Variants in GALR1 observed in about 807,000 individuals in gnomAD.
GALR1 encodes the protein galanin receptor type 1.
Under a neutral mutation model 17.9 loss-of-function variants are expected in GALR1, and 11 were observed. The ratio of observed to expected loss-of-function variants is 0.62; its 90% CI spans 0.39 to 1.02. GALR1 has a LOEUF of 1.02. GALR1 is among the 50% of genes least tolerant of loss of function. The probability of loss-of-function intolerance (pLI) is 0.01; values close to 1 mark genes in which losing one functional copy is unlikely to be tolerated. For synonymous variants in GALR1, 206 were observed against 205.7 expected (o/e 1.00, Z -0.01); for missense variants, 441 against 456.9 (o/e 0.97, Z 0.32).
chr18:77,268,575 T>A lies in GALR1; in HGVS notation c.733-10T>A. ...CTCCTCCTCCTCCTCCTCCTCTTCTTCTTTTCTAGACTGCACAGACAGTTC... is the reference window on the plus strand; with the variant it reads ...CTCCTCCTCCTCCTCCTCCTCTTCTACTTTTCTAGACTGCACAGACAGTTC... On this transcript the variant is annotated splice_polypyrimidine_tract_variant and intron_variant, in intron 2 of 2. Transcript: ENST00000299727. 6.3e-7 allele frequency: 1 copy of A among 1,597,862 alleles called. No homozygotes were observed. The highest frequency in any genetic ancestry group is 8.6e-7 in the Non-Finnish European group (1 of 1,168,708).
Position 77,250,968 on chromosome 18 carries a change from G to A in GALR1, c.420G>A (p.Ser140=), listed in dbSNP as rs1912394140. The stretch of plus-strand genomic sequence containing the variant: ...ACCGCTACGTGGCCATCGTGCACTC[G>A]CGGCGCTCCTCCTCCCTCAGGGTGT... The part of the protein sequence containing the change: ...SVDRYVAIVH[S]RRSSSLRVSR... The change falls in exon 1 of 3, where the codon TCG becomes TCA. Residue 140 remains serine, a synonymous_variant. Transcript: ENST00000299727. The A allele has an allele frequency of 6.2e-7, 1 of 1,603,948 alleles. No individual in the cohort carries two copies. The highest frequency in any genetic ancestry group is 1.3e-5 in the African/African-American group (1 of 74,928).
chr18:77,259,734 T>C (rs1473298118), intron 2 of GALR1, among the ~76,000 whole-genome samples: 1 of 151,584 alleles, frequency 6.6e-6, no homozygotes, highest in Non-Finnish European at 1.5e-5. Flanking sequence ...GTGGTATGTG[T>C]GTGTCTAAGA....
At chr18:77,256,776 G>A (rs78437222) in intron 2 of GALR1, among the ~76,000 whole-genome samples, 60 of 152,226 alleles carry the variant, frequency 3.9e-4, no homozygotes, top group African/African-American at 1.3e-3. Flanking sequence ...GATTCCTCCC[G>A]TTGCTAACTG....
chr18:77,263,866 G>A (rs1482221485), intron 2 of GALR1, among the ~76,000 whole-genome samples: 6 of 152,204 alleles, frequency 3.9e-5, no homozygotes, highest in Admixed American at 3.3e-4. Context: ...GCCAGGCACA[G>A]TGGCTCATGC....
At chr18:77,253,593 G>C (rs957834833) in intron 1 of GALR1, 1 of 152,192 alleles carries the variant, frequency 6.6e-6, no homozygotes, top group Non-Finnish European at 1.5e-5. Flanking sequence ...TTTCAGGGCT[G>C]TCATGGATAG....
chr18:77,258,896 ATGGTGGTGGGCGGTAGTGGTGG>A (rs1912708533), intron 2 of GALR1, among the ~76,000 whole-genome samples: 1 of 109,460 alleles, frequency 9.1e-6, no homozygotes, highest in African/African-American at 3.6e-5. Flanking sequence ...CATAGTGGTG[ATGGTGGTGGGCGGTAGTGGTGG>A]TGATGATGGT....
intron 1 of GALR1, among the ~76,000 whole-genome samples, chr18:77,253,105 T>G (rs1267382129): frequency 2.0e-5 from 3 of 149,172 alleles, no homozygotes; most frequent in African/African-American, 7.4e-5. Flanking sequence ...GCTTAGCTAT[T>G]TGGAAAATGG....
At position 77,256,624 on chromosome 18, in the gene GALR1, G is replaced by T. The variant is rs529038478; in HGVS notation, c.732+401G>T. On this transcript the variant is annotated intron_variant, in intron 2 of 2. Transcript: ENST00000299727. ...CTCTGATGTGATTCCGAAAAGCCCTGGTTTGGTTCTTGTTTAAGACAACAT... is the reference window on the plus strand; with the variant it reads ...CTCTGATGTGATTCCGAAAAGCCCTTGTTTGGTTCTTGTTTAAGACAACAT... 2.0e-5 allele frequency among the ~76,000 whole-genome samples: 3 copies of T among 152,246 alleles called. No homozygotes were observed. In the South Asian group the frequency reaches 6.2e-4, roughly 32 times the overall value.
At chr18:77,252,896 T>TCACCACCACCAC (rs1252635221) in intron 1 of GALR1, among the ~76,000 whole-genome samples, 4 of 78,214 alleles carry the variant, frequency 5.1e-5, no homozygotes, top group Non-Finnish European at 7.5e-5. Context: ...ACCACCACCA[T>TCACCACCACCAC]CACCACCACC....
Position 77,268,943 on chromosome 18 carries a change from T to C in GALR1, c.*41T>C, listed in dbSNP as rs5378. ...CCTTATGGTTGAGTTTCCATATAAG[T>C]GGACCAGACACAGAAACAAACAGAA... On this transcript the variant is annotated 3_prime_UTR_variant, in exon 3 of 3. Coordinates refer to ENST00000299727, the MANE Select transcript of GALR1 (RefSeq NM_001480.4). 6.5e-5 allele frequency: 93 copies of C among 1,430,184 alleles called. No individual in the cohort carries two copies. The African/African-American group carries it at 1.2e-3, about 19-fold the overall frequency. The allele number at this position is 1,430,184 out of a possible 1,614,324, so 88.6% of individuals were successfully genotyped here. A position where few individuals can be genotyped will look rare whatever the true frequency, so the allele number is the denominator to read the frequency against.
In GALR1 at chr18:77,268,877, C is replaced by T. The variant is rs5377; in HGVS notation, c.1025C>T (p.Pro342Leu). ...KESKSRIDTP[P>L]STNCTHV ...AGTAAAAGTCGAATAGACACCCCACCATCAACCAATTGTACTCATGTGTGA... is the reference window on the plus strand; with the variant it reads ...AGTAAAAGTCGAATAGACACCCCACTATCAACCAATTGTACTCATGTGTGA... Residue 342 changes from proline (P) to leucine (L), a missense_variant, in exon 3 of 3, where the codon CCA (proline) becomes CTA (leucine). By Grantham distance (98) the Pro-to-Leu change is moderately conservative. Coordinates refer to ENST00000299727, the MANE Select transcript of GALR1 (RefSeq NM_001480.4). The T allele has an allele frequency of 8.6e-4, 1,384 of 1,612,558 alleles. 13 individuals carry two copies. In the African/African-American group the frequency reaches 0.016, roughly 18 times the overall value.
rs1480818856 is a variant in GALR1, at chr18:77,275,582, T to C, written c.*6680T>C. ...GGTCACTGGTTATACAAAGTCTCTGTTTAGAAATAGCAAAGATCCAAGAAA... is the reference window on the plus strand; with the variant it reads ...GGTCACTGGTTATACAAAGTCTCTGCTTAGAAATAGCAAAGATCCAAGAAA... On this transcript the variant is annotated 3_prime_UTR_variant, in exon 3 of 3. Transcript: ENST00000299727. The C allele has an allele frequency of 5.3e-5, 8 of 152,120 alleles. No homozygotes were observed. The East Asian group carries it at 1.5e-3, about 29-fold the overall frequency. The allele number at this position is 152,120 out of a possible 1,614,324, so 9.4% of individuals were successfully genotyped here.
intron 2 of GALR1, among the ~76,000 whole-genome samples, chr18:77,258,651 ATAGTGGTGGTGGTGG>A (rs1912669807): frequency 9.1e-6 from 1 of 110,080 alleles, no homozygotes; most frequent in African/African-American, 3.4e-5. Context: ...GGTGGTGGTC[ATAGTGGTGGTGGTGG>A]TGGTCATGGT....
chr18:77,275,364 G>A lies in GALR1; in HGVS notation c.*6462G>A, dbSNP rs751252165. The stretch of plus-strand genomic sequence containing the variant: ...GAGTTGTGATGGGTGTGCCTCCCTC[G>A]GACTTACTCTGGCCAGGAACTGCAT... On this transcript the variant is annotated 3_prime_UTR_variant, in exon 3 of 3. Transcript: ENST00000299727. 2.0e-5 allele frequency: 3 copies of A among 152,312 alleles called. No individual in the cohort carries two copies. The highest frequency in any genetic ancestry group is 6.5e-5 in the Admixed American group (1 of 15,286). The allele number at this position is 152,312 out of a possible 1,614,324, so 9.4% of individuals were successfully genotyped here.
At chr18:77,256,977 A>G (rs1266139775) in intron 2 of GALR1, among the ~76,000 whole-genome samples, 3 of 152,250 alleles carry the variant, frequency 2.0e-5, no homozygotes, top group Admixed American at 1.3e-4. Context: ...ATTATTAGGC[A>G]ATATGACTAA....
chr18:77,260,295 G>A (rs757122513), intron 2 of GALR1, among the ~76,000 whole-genome samples: 10 of 152,240 alleles, frequency 6.6e-5, no homozygotes, highest in South Asian at 2.1e-4. Flanking sequence ...AGCTCTCTGC[G>A]CCCTCTTTCA....
rs148499755 is a variant in GALR1 at position 77,266,446 on chromosome 18, C to T, written c.733-2139C>T. 2.5e-3 allele frequency among the ~76,000 whole-genome samples: 382 copies of T among 152,350 alleles called. 3 individuals are homozygous for T. Among genetic ancestry groups the T allele is most frequent in the African/African-American group, 8.3e-3 (345 of 41,586 alleles). On this transcript the variant is annotated intron_variant, in intron 2 of 2. Coordinates refer to ENST00000299727, the MANE Select transcript of GALR1 (RefSeq NM_001480.4). ...CCTGTCTTCTTCTGAGCCATCCAAACTGTTCCAGCCTCTGCCTATTACCCA... is the reference window on the plus strand; with the variant it reads ...CCTGTCTTCTTCTGAGCCATCCAAATTGTTCCAGCCTCTGCCTATTACCCA...
At chr18:77,252,594 C>T (rs926977926) in intron 1 of GALR1, among the ~76,000 whole-genome samples, 9 of 152,072 alleles carry the variant, frequency 5.9e-5, no homozygotes, top group African/African-American at 1.9e-4. Flanking sequence ...TGAAGAAATA[C>T]AGTACCACTT....
intron 1 of GALR1, among the ~76,000 whole-genome samples, chr18:77,252,704 T>G (rs1454512513): frequency 1.3e-5 from 2 of 151,816 alleles, no homozygotes; most frequent in East Asian, 3.9e-4. Context: ...AAATATTAGC[T>G]GGGTGTGGTG....
Sources: gnomAD v4.1 joint callset for allele counts (sites outside exome capture counted in the v4.1 genomes callset) on GRCh38, gnomAD v4.1.1 for gene constraint, MANE v1.5 for transcripts, NCBI Gene and HGNC (gene_info 2026-07-23, HGNC 2026-07-21) for gene names.